The following COPS4 variants were observed in gnomAD, a reference collection of about 807,000 sequenced individuals.
The protein encoded by COPS4 is COP9 signalosome subunit 4.
Under a neutral mutation model 55.1 loss-of-function variants are expected in COPS4, and 8 were observed. That is an observed-to-expected ratio of 0.15 (90% CI 0.09 to 0.26). The LOEUF (loss-of-function observed/expected upper bound fraction) is 0.26. Ranked by LOEUF, COPS4 falls within the 10% of genes least tolerant of loss-of-function variation. The probability of loss-of-function intolerance (pLI) is 1.00; values close to 1 mark genes in which losing one functional copy is unlikely to be tolerated. For synonymous variants in COPS4, 185 were observed against 165.7 expected, an observed-to-expected ratio of 1.12 and a Z score of -0.90; for missense variants, 248 against 484.0, an observed-to-expected ratio of 0.51 and a Z score of 4.58.
At chr4:83,056,822 C>T (rs6535432) in intron 4 of COPS4, 104 bp from the exon 5 acceptor site, 979,942 of 981,080 alleles carry the variant, frequency 1, 489,408 homozygotes, top group East Asian at 1. Flanking sequence ...GATTCCCTTA[C>T]GGTACCAGAA....
At position 83,063,194 on chromosome 4, in the gene COPS4, T is replaced by G. The variant is rs373901019; in HGVS notation, c.834T>G (p.Leu278=). ...YLDRIIRGNQ[L]QEFAAMLMPH... ...ATAGGATCATCAGAGGAAATCAACT[T>G]CAAGAATTTGCTGCCATGCTGATGC... is the stretch of plus-strand genomic sequence containing the variant. The change falls in exon 7 of 10, where the codon CTT becomes CTG. Residue 278 remains leucine, a synonymous_variant. Transcript: ENST00000264389. The G allele has an allele frequency of 1.1e-5, 18 of 1,612,776 alleles. No individual in the cohort carries two copies. Among genetic ancestry groups the G allele is most frequent in the Non-Finnish European group, 1.4e-5 (17 of 1,179,698 alleles).
At position 83,044,505 on chromosome 4, in the gene COPS4, C is replaced by T. The variant is rs184632536; in HGVS notation, c.75-1121C>T. 6.9e-3 allele frequency among the ~76,000 whole-genome samples: 1,028 copies of T among 149,726 alleles called. 9 individuals carry two copies. The highest frequency in any genetic ancestry group is 0.023 in the African/African-American group (957 of 40,730). On this transcript the variant is annotated intron_variant, in intron 1 of 9. Coordinates refer to ENST00000264389, the MANE Select transcript of COPS4 (RefSeq NM_016129.3). Reference sequence around the variant, plus strand: ...GATAAAGATTAGTATAGGCCGGGCACGGTGGCTAACGCCTGTAATCCCAGC... The same window carrying T: ...GATAAAGATTAGTATAGGCCGGGCATGGTGGCTAACGCCTGTAATCCCAGC...
intron 1 of COPS4, among the ~76,000 whole-genome samples, chr4:83,040,354 G>C (rs1321917379): frequency 3.3e-5 from 5 of 152,150 alleles, no homozygotes; most frequent in African/African-American, 1.2e-4. Context: ...TGCTTTTGTT[G>C]ATTCTAGAGA....
chr4:83,051,082 T>G (rs941416093), intron 4 of COPS4, among the ~76,000 whole-genome samples: 13 of 139,390 alleles, frequency 9.3e-5, no homozygotes, highest in African/African-American at 3.7e-4. Flanking sequence ...GCAGCATAGC[T>G]AGACCCCATC....
intron 2 of COPS4, 21 bp from the exon 3 acceptor site, chr4:83,049,145 T>C (rs753437378): frequency 1.3e-5 from 4 of 319,402 alleles, no homozygotes; most frequent in Non-Finnish European, 2.0e-5. Context: ...TTTTCTTATC[T>C]TTTTTTTTTT....
intron 9 of COPS4, among the ~76,000 whole-genome samples, chr4:83,073,956 C>CAA (rs34926790): frequency 1.0e-3 from 148 of 144,356 alleles, no homozygotes; most frequent in Middle Eastern, 7.0e-3. Flanking sequence ...GACTCCGTCT[C>CAA]AAAAAAAAAA....
rs1731554270 is a variant in COPS4, at chr4:83,075,617, AG to A, written c.*190del. On this transcript the variant is annotated 3_prime_UTR_variant, in exon 10 of 10. Transcript: ENST00000264389. ...AAAATATGTAGTTCCCATATATTTC[AG>A]GGTCTCTGTGTATTAAGCTAACTCA... 1.8e-6 allele frequency: 1 copy of A among 563,482 alleles called. No homozygotes were observed. The allele number at this position is 563,482 out of a possible 1,614,324, so 34.9% of individuals were successfully genotyped here.
intron 7 of COPS4, among the ~76,000 whole-genome samples, chr4:83,064,853 C>G (rs1731254482): frequency 1.5e-5 from 2 of 136,550 alleles, no homozygotes; most frequent in South Asian, 2.5e-4. Context: ...AGCCACTGTG[C>G]CTGGTTAAGC....
chr4:83,036,744 T>A (rs1730428438), intron 1 of COPS4, among the ~76,000 whole-genome samples: 1 of 133,468 alleles, frequency 7.5e-6, no homozygotes, highest in African/African-American at 2.9e-5. Context: ...TATGTCTTCA[T>A]GGCTCAATCC....
chr4:83,056,054 G>A (rs569817564), intron 4 of COPS4, among the ~76,000 whole-genome samples: 4 of 151,208 alleles, frequency 2.6e-5, no homozygotes, highest in South Asian at 2.1e-4. Context: ...TCAGCCTCCC[G>A]AGTAGCTGGG....
chr4:83,062,847 G>A (rs1731195626), intron 6 of COPS4: 1 of 375,858 alleles, frequency 2.7e-6, no homozygotes, highest in African/African-American at 2.1e-5. Context: ...TGACAAAAAT[G>A]TTGTGACCAG....
intron 9 of COPS4, among the ~76,000 whole-genome samples, chr4:83,068,891 A>G (rs1731352925): frequency 6.6e-6 from 1 of 151,572 alleles, no homozygotes; most frequent in Non-Finnish European, 1.5e-5. Context: ...AATCACTTAA[A>G]CCTAGGAGGC....
chr4:83,060,340 C>T (rs1359221420), intron 6 of COPS4, among the ~76,000 whole-genome samples: 3 of 122,224 alleles, frequency 2.5e-5, no homozygotes, highest in Non-Finnish European at 5.3e-5. Flanking sequence ...CCCGCCACCA[C>T]GCGCAGCTAA....
intron 1 of COPS4, among the ~76,000 whole-genome samples, chr4:83,040,083 C>T (rs188851679): frequency 7.2e-5 from 11 of 152,320 alleles, no homozygotes; most frequent in African/African-American, 2.6e-4. Flanking sequence ...GTTCTTCAGG[C>T]CTACCTTCTA....
intron 4 of COPS4, among the ~76,000 whole-genome samples, chr4:83,056,152 G>A (rs1246105418): frequency 6.6e-6 from 1 of 151,922 alleles, no homozygotes; most frequent in African/African-American, 2.4e-5. Flanking sequence ...GGGTGGTCTT[G>A]AACTCCTGAC....
intron 9 of COPS4, among the ~76,000 whole-genome samples, chr4:83,070,450 CCTT>C (rs1325931535): frequency 6.6e-6 from 1 of 152,142 alleles, no homozygotes; most frequent in East Asian, 1.9e-4. Context: ...TATTATCTTC[CCTT>C]CTTGTGTGTC....
intron 4 of COPS4, among the ~76,000 whole-genome samples, chr4:83,050,510 A>G (rs11723160): frequency 0.18 from 27,125 of 152,036 alleles, 2,601 homozygotes; most frequent in South Asian, 0.3. Context: ...AGGTTTCACC[A>G]TGTTAGCCAG....
At chr4:83,039,263 C>T (rs1730501137) in intron 1 of COPS4, among the ~76,000 whole-genome samples, 1 of 151,956 alleles carries the variant, frequency 6.6e-6, no homozygotes, top group Non-Finnish European at 1.5e-5. Flanking sequence ...TTGGCTGGGG[C>T]AATATAGTTG....
At chr4:83,049,024 A>G in intron 2 of COPS4, 142 bp from the exon 3 acceptor site, 1 of 670,660 alleles carries the variant, frequency 1.5e-6, no homozygotes, top group African/African-American at 1.9e-5. Context: ...ATAAAATGAT[A>G]GGGGTATGGA....
Sources: allele counts gnomAD v4.1 joint callset (sites outside exome capture counted in the v4.1 genomes callset), GRCh38; gene constraint gnomAD v4.1.1; transcripts MANE v1.5; gene names NCBI Gene and HGNC (gene_info 2026-07-23, HGNC 2026-07-21).